Variants in ACTR1A observed in about 807,000 individuals in gnomAD.
ACTR1A encodes the protein alpha-centractin.
A neutral mutation model predicts 50.7 loss-of-function variants in ACTR1A; 10 were observed. The ratio of observed to expected loss-of-function variants is 0.20; its 90% CI spans 0.12 to 0.33. The LOEUF is 0.33. Ranked by LOEUF, ACTR1A falls within the 10% of genes least tolerant of loss-of-function variation. The pLI is 1.00. For synonymous variants in ACTR1A, 177 were observed against 184.2 expected, an observed-to-expected ratio of 0.96 and a Z score of 0.32; for missense variants, 253 against 491.7, an observed-to-expected ratio of 0.51 and a Z score of 4.59.
Position 102,488,351 on chromosome 10 carries a change from C to G in ACTR1A, c.190-76G>C. On this transcript the variant is annotated intron_variant, in intron 3 of 10. Coordinates refer to ENST00000369905, the MANE Select transcript of ACTR1A (RefSeq NM_005736.4). The surrounding 1 kb of genome is among the most constrained non-coding windows in gnomAD (Gnocchi z 4.4). Reference sequence around the variant, plus strand: ...CCTGTTCTCCCAAGACTAAGCAGTGCAAGCTGAATCCCTTGCAAAGAAGCC... The same window carrying G: ...CCTGTTCTCCCAAGACTAAGCAGTGGAAGCTGAATCCCTTGCAAAGAAGCC... 2.5e-6 allele frequency: 4 copies of G among 1,570,692 alleles called. No homozygotes were observed. Among genetic ancestry groups the G allele is most frequent in the Non-Finnish European group, 3.5e-6 (4 of 1,146,034 alleles).
chr10:102,500,462 G>A (rs964014363), intron 1 of ACTR1A, among the ~76,000 whole-genome samples: 4 of 152,110 alleles, frequency 2.6e-5, no homozygotes, highest in Admixed American at 1.3e-4. Context: ...CCAGCTACTC[G>A]GGAGGCTGAG....
intron 1 of ACTR1A, among the ~76,000 whole-genome samples, chr10:102,499,396 T>C (rs1325680829): frequency 6.6e-6 from 1 of 152,196 alleles, no homozygotes; most frequent in Non-Finnish European, 1.5e-5. Context: ...GGAAAATGAC[T>C]TAAGTTTCTC....
At chr10:102,483,950 A>G in intron 6 of ACTR1A, 1 of 582,432 alleles carries the variant, frequency 1.7e-6, no homozygotes, top group Non-Finnish European at 3.1e-6. Flanking sequence ...GAAGAAATGG[A>G]AGCAGCTCCC....
Position 102,482,900 on chromosome 10 carries a change from T to C in ACTR1A, c.750+111A>G. 1.1e-6 allele frequency: 1 copy of C among 874,296 alleles called. No homozygotes were observed. Among genetic ancestry groups the C allele is most frequent in the Non-Finnish European group, 1.9e-6 (1 of 530,068 alleles). The allele number at this position is 874,296 out of a possible 1,614,324, so 54.2% of individuals were successfully genotyped here. On this transcript the variant is annotated intron_variant, in intron 7 of 10. Coordinates refer to ENST00000369905, the MANE Select transcript of ACTR1A (RefSeq NM_005736.4). The surrounding 1 kb of genome is among the most constrained non-coding windows in gnomAD (Gnocchi z 5.6). ...CCCATGGGCCAGGGGTTGGACAAGCTTGGTGTAAAGGGACTGGCCTGCCAG... is the reference window on the plus strand; with the variant it reads ...CCCATGGGCCAGGGGTTGGACAAGCCTGGTGTAAAGGGACTGGCCTGCCAG...
chr10:102,501,098 G>T (rs1217621807), intron 1 of ACTR1A, among the ~76,000 whole-genome samples: 1 of 151,048 alleles, frequency 6.6e-6, no homozygotes, highest in Non-Finnish European at 1.5e-5. Flanking sequence ...AAAAAAATGA[G>T]CTGTCTCATT....
At chr10:102,481,958 G>A (rs1457061221) in intron 8 of ACTR1A, 43 bp downstream of exon 8, 15 of 1,613,826 alleles carry the variant, frequency 9.3e-6, no homozygotes, top group Non-Finnish European at 1.3e-5. Flanking sequence ...GCCAGCAGGA[G>A]CTGAACACTT....
In ACTR1A at chr10:102,481,183, G is replaced by A. The variant is rs781034617; in HGVS notation, c.988-11C>T. 1.3e-5 allele frequency: 20 copies of A among 1,576,090 alleles called. No homozygotes were observed. In the South Asian group the frequency reaches 2.0e-4, roughly 16 times the overall value. On this transcript the variant is annotated splice_polypyrimidine_tract_variant and intron_variant, in intron 9 of 10. Transcript: ENST00000369905. ...CTGAGGTGCAGATATCTGCAAAGGTGGGGGAAAGAGGAATCTGAGACTTCC... is the reference window on the plus strand; with the variant it reads ...CTGAGGTGCAGATATCTGCAAAGGTAGGGGAAAGAGGAATCTGAGACTTCC...
chr10:102,484,391 C>T lies in ACTR1A; in HGVS notation c.441-15G>A. On this transcript the variant is annotated splice_polypyrimidine_tract_variant and intron_variant, in intron 5 of 10. Coordinates refer to ENST00000369905, the MANE Select transcript of ACTR1A (RefSeq NM_005736.4). ...CTGTAGCGTAACTGAAGCAAAGGGGCAAACCGTCACTCAGCACTGCCTCCT... is the reference window on the plus strand; with the variant it reads ...CTGTAGCGTAACTGAAGCAAAGGGGTAAACCGTCACTCAGCACTGCCTCCT... 6.2e-7 allele frequency: 1 copy of T among 1,602,754 alleles called. No homozygotes were observed. The highest frequency in any genetic ancestry group is 8.5e-7 in the Non-Finnish European group (1 of 1,169,970).
chr10:102,484,227 T>C lies in ACTR1A; in HGVS notation c.590A>G (p.Tyr197Cys), dbSNP rs756997769. ...GAAGTCGTAGCCCTCCTTACGCAGG[T>C]AGAGGCGCAGGAAGCGAGAGACGTC... The part of the protein sequence containing the change: ...GRDVSRFLRL[Y>C]LRKEGYDFHS... The change falls in exon 6 of 11, where the codon TAC (tyrosine) becomes TGC (cysteine). Residue 197 changes from tyrosine (Y) to cysteine (C), a missense_variant. Coordinates refer to ENST00000369905, the MANE Select transcript of ACTR1A (RefSeq NM_005736.4). The C allele has an allele frequency of 6.8e-6, 11 of 1,614,004 alleles. No individual in the cohort carries two copies. The highest frequency in any genetic ancestry group is 8.5e-6 in the Non-Finnish European group (10 of 1,180,044).
rs367795474 is a variant in ACTR1A at position 102,484,260 on chromosome 10, G to A, written c.557C>T (p.Ala186Val). 2 of 1,614,076 alleles carry A rather than the reference G, an allele frequency of 1.2e-6. No individual in the cohort carries two copies. The highest frequency in any genetic ancestry group is 1.7e-6 in the Non-Finnish European group (2 of 1,180,040). ...MPHSIMRIDI[A>V]GRDVSRFLRL... Reference sequence around the variant, plus strand: ...CAGGAAGCGAGAGACGTCCCGGCCCGCGATGTCGATGCGCATGATGGAGTG... The same window carrying A: ...CAGGAAGCGAGAGACGTCCCGGCCCACGATGTCGATGCGCATGATGGAGTG... The change falls in exon 6 of 11, where the codon GCG becomes GTG. Residue 186 changes from alanine to valine, a missense_variant. Around this residue, in one of 4 missense-constraint regions of ACTR1A, gnomAD observed 116 missense variants for 155.9 expected, o/e 0.74. Coordinates refer to ENST00000369905, the MANE Select transcript of ACTR1A (RefSeq NM_005736.4).
chr10:102,488,264 C>T lies in ACTR1A; in HGVS notation c.201G>A (p.Gly67=). ...FIGPKAEEHR[G]LLSIRYPMEH... ...CCATGGGATAGCGGATTGAAAGCAGCCCTCGGTGCTCCTGGGAAAAGAGAA... is the reference window on the plus strand; with the variant it reads ...CCATGGGATAGCGGATTGAAAGCAGTCCTCGGTGCTCCTGGGAAAAGAGAA... The change falls in exon 4 of 11, where the codon GGG becomes GGA. Residue 67 remains glycine, a synonymous_variant. Coordinates refer to ENST00000369905, the MANE Select transcript of ACTR1A (RefSeq NM_005736.4). The surrounding 1 kb of genome is among the most constrained non-coding windows in gnomAD (Gnocchi z 4.4). The T allele has an allele frequency of 1.2e-6, 2 of 1,613,666 alleles. No homozygotes were observed. The highest frequency in any genetic ancestry group is 1.7e-6 in the Non-Finnish European group (2 of 1,179,614).
At chr10:102,487,038 A>G (rs1361549748) in intron 4 of ACTR1A, among the ~76,000 whole-genome samples, 1 of 150,832 alleles carries the variant, frequency 6.6e-6, no homozygotes, top group East Asian at 1.9e-4. Flanking sequence ...CAAGAGATCC[A>G]CCCAAAGTGC....
In ACTR1A at chr10:102,479,908, CTT is replaced by C; in HGVS notation, c.*953_*954del. Reference sequence around the variant, plus strand: ...GGGAGAAAGAGCCTGGTGGGAGTGTCTTTGAGTGTAGCTTCCAATCTCAAATG... The same window carrying C: ...GGGAGAAAGAGCCTGGTGGGAGTGTCTGAGTGTAGCTTCCAATCTCAAATG... On this transcript the variant is annotated 3_prime_UTR_variant, in exon 11 of 11. Transcript: ENST00000369905. The surrounding 1 kb of genome is among the most constrained non-coding windows in gnomAD (Gnocchi z 4.0). The C allele has an allele frequency of 3.2e-6, 1 of 314,776 alleles. No individual in the cohort carries two copies. 19.5% of individuals were successfully genotyped at this position (314,776 alleles called of 1,614,324 possible).
intron 4 of ACTR1A, among the ~76,000 whole-genome samples, chr10:102,487,675 A>G (rs1246168187): frequency 1.5e-5 from 2 of 134,450 alleles, no homozygotes; most frequent in African/African-American, 5.7e-5. Flanking sequence ...TCTGTCACCC[A>G]GGCTGGAGCA....
At chr10:102,484,477 G>A in intron 5 of ACTR1A, 101 bp from the exon 6 acceptor site, 1 of 1,036,562 alleles carries the variant, frequency 9.6e-7, no homozygotes, top group Non-Finnish European at 1.4e-6. Context: ...CTAAAGCTTG[G>A]GCCTGCCTCT....
Position 102,488,292 on chromosome 10 carries a change from GGACTTAC to G in ACTR1A, c.190-24_190-18del. On this transcript the variant is annotated intron_variant, in intron 3 of 10. Coordinates refer to ENST00000369905, the MANE Select transcript of ACTR1A (RefSeq NM_005736.4). The surrounding 1 kb of genome is among the most constrained non-coding windows in gnomAD (Gnocchi z 4.4). ...TCGGTGCTCCTGGGAAAAGAGAACA[GGACTTAC>G]GACTGCAGTCAGGCTCCACCCAGGA... 1 of 1,610,582 alleles carries G rather than the reference GGACTTAC, an allele frequency of 6.2e-7. No individual in the cohort carries two copies. Among genetic ancestry groups the G allele is most frequent in the Non-Finnish European group, 8.5e-7 (1 of 1,177,034 alleles).
At chr10:102,494,800 A>ATTAATT (rs568785295) in intron 1 of ACTR1A, among the ~76,000 whole-genome samples, 3 of 152,084 alleles carry the variant, frequency 2.0e-5, no homozygotes, top group South Asian at 2.1e-4. Flanking sequence ...TCTACAAAAT[A>ATTAATT]TTAATTTTAA....
At chr10:102,495,601 G>A (rs535988309) in intron 1 of ACTR1A, among the ~76,000 whole-genome samples, 1 of 150,580 alleles carries the variant, frequency 6.6e-6, no homozygotes, top group African/African-American at 2.4e-5. Context: ...GTGGTGGCAC[G>A]TGCCTATAGT....
At chr10:102,495,737 T>C (rs950179936) in intron 1 of ACTR1A, among the ~76,000 whole-genome samples, 14 of 140,110 alleles carry the variant, frequency 1.0e-4, no homozygotes, top group Non-Finnish European at 1.7e-4. Context: ...TCAAAATAAA[T>C]AAATAAATAA....
Sources: gnomAD v4.1 joint callset for allele counts (sites outside exome capture counted in the v4.1 genomes callset) on GRCh38, gnomAD v4.1.1 for gene constraint, gnomAD v4.1.1 regional missense constraint, Gnocchi (gnomAD v3.1) non-coding constraint, MANE v1.5 for transcripts, NCBI Gene and HGNC (gene_info 2026-07-23, HGNC 2026-07-21) for gene names.